ZNF469: variants seen among roughly 807,000 people sequenced by gnomAD.
ZNF469 encodes zinc finger protein 469.
Under a neutral mutation model 1.0 loss-of-function variants are expected in ZNF469, and 1 was observed. That is an observed-to-expected ratio of 1.00 (90% CI 0.35 to 4.73). The LOEUF (loss-of-function observed/expected upper bound fraction) is 4.73. Among genes scored for constraint, ZNF469 ranks in the 30% most tolerant of loss-of-function variants. The pLI is 0.16. For synonymous variants in ZNF469, 2,703 were observed against 2,363.4 expected, an observed-to-expected ratio of 1.14 and a Z score of -4.17; for missense variants, 6,100 against 5,356.3, an observed-to-expected ratio of 1.14 and a Z score of -4.33.
chr16:88,199,616 A>G, the ZNF469 span, among the ~76,000 whole-genome samples: 6 of 152,270 alleles, frequency 3.9e-5, no homozygotes, highest in Admixed American at 2.0e-4. Flanking sequence ...GCCGGCTCGG[A>G]CCACCCACAT....
the ZNF469 span, among the ~76,000 whole-genome samples, chr16:88,221,089 C>T: frequency 6.6e-6 from 1 of 152,146 alleles, no homozygotes; most frequent in Non-Finnish European, 1.5e-5. Flanking sequence ...TCTGCTGCTC[C>T]TACTCGGTGT....
At chr16:88,313,895 T>G in the ZNF469 span, among the ~76,000 whole-genome samples, 57 of 123,268 alleles carry the variant, frequency 4.6e-4, no homozygotes, top group East Asian at 7.4e-4. Context: ...TGATGATGCT[T>G]GTGTGGACTG....
chr16:88,426,876 C>T (rs563387810), intron 2 of ZNF469, among the ~76,000 whole-genome samples: 1 of 152,238 alleles, frequency 6.6e-6, no homozygotes, highest in Non-Finnish European at 1.5e-5. Flanking sequence ...CAGCCTCCTG[C>T]CTCAAGGCCC....
At chr16:88,378,316 A>G (rs1053341767), upstream of ZNF469, among the ~76,000 whole-genome samples, 3 of 152,218 alleles carry the variant, frequency 2.0e-5, no homozygotes, top group African/African-American at 7.2e-5. Flanking sequence ...TTGAGGGTCT[A>G]CTCAGCAAAG....
chr16:88,236,414 G>A, the ZNF469 span, among the ~76,000 whole-genome samples: 3 of 152,262 alleles, frequency 2.0e-5, no homozygotes, highest in Non-Finnish European at 1.5e-5. Context: ...GTTTTAATGT[G>A]AGTGCTGGTC....
chr16:88,309,355 C>G, the ZNF469 span, among the ~76,000 whole-genome samples: 253 of 151,912 alleles, frequency 1.7e-3, 1 homozygote, highest in African/African-American at 6.1e-3. Flanking sequence ...GGACACCTGA[C>G]GGGGGGAGTG....
At position 88,430,891 on chromosome 16, in the gene ZNF469, G is replaced by A. The variant is rs547419772; in HGVS notation, c.3421G>A (p.Ala1141Thr). The stretch of plus-strand genomic sequence containing the variant: ...GGATGAGCCACAGAAACCCCGGAAG[G>A]CGGCGAGGCAGGAAGCCGGCGGGGA... ...REDEPQKPRK[A>T]ARQEAGGDGA... is the part of the protein sequence containing the mutation. The change falls in exon 3 of 3, where the codon GCG becomes ACG. Residue 1141 changes from alanine (A) to threonine (T), a missense_variant. Physicochemically the swap from Ala to Thr is moderately conservative, Grantham distance 58 (BLOSUM62 0). Transcript: ENST00000565624. The A allele has an allele frequency of 6.5e-7, 1 of 1,537,654 alleles. No individual in the cohort carries two copies. Among genetic ancestry groups the A allele is most frequent in the Admixed American group, 2.0e-5 (1 of 50,900 alleles).
In ZNF469 at chr16:88,438,924, A is replaced by G. The variant is rs377311926; in HGVS notation, c.11454A>G (p.Lys3818=). The part of the protein sequence containing the change: ...KEKGESSTKR[K]KGQVPGPARS... ...AGGGAGAGAGCAGTACGAAGAGGAA[A>G]AAGGGCCAGGTCCCAGGGCCAGCCA... is the stretch of plus-strand genomic sequence containing the variant. Residue 3818 remains lysine (K), a synonymous_variant, in exon 3 of 3, where the codon AAA becomes AAG. Coordinates refer to ENST00000565624, the MANE Select transcript of ZNF469 (RefSeq NM_001367624.2). 197 of 1,550,446 alleles carry G rather than the reference A, an allele frequency of 1.3e-4. No individual in the cohort carries two copies. Among genetic ancestry groups the G allele is most frequent in the Non-Finnish European group, 1.6e-4 (188 of 1,146,990 alleles).
chr16:88,335,690 A>G, the ZNF469 span, among the ~76,000 whole-genome samples: 1 of 152,246 alleles, frequency 6.6e-6, no homozygotes, highest in Non-Finnish European at 1.5e-5. Flanking sequence ...CTCGATAAGC[A>G]TCGAATCAAT....
the ZNF469 span, among the ~76,000 whole-genome samples, chr16:88,258,304 G>A: frequency 6.6e-6 from 1 of 152,304 alleles, no homozygotes; most frequent in African/African-American, 2.4e-5. Flanking sequence ...ACAGAGGAAG[G>A]GATTTCAAGA....
At chr16:88,207,655 G>A in the ZNF469 span, among the ~76,000 whole-genome samples, 1 of 151,062 alleles carries the variant, frequency 6.6e-6, no homozygotes, top group Non-Finnish European at 1.5e-5. Context: ...TGTCGACGGG[G>A]CCGCCCTGCA....
chr16:88,122,445 C>T, the ZNF469 span, among the ~76,000 whole-genome samples: 7 of 150,730 alleles, frequency 4.6e-5, no homozygotes, highest in South Asian at 2.1e-4. Flanking sequence ...CTCCGTCACT[C>T]GCTACGGCCA....
the ZNF469 span, among the ~76,000 whole-genome samples, chr16:88,161,492 A>G: frequency 1.3e-5 from 2 of 152,352 alleles, no homozygotes; most frequent in East Asian, 3.9e-4. Flanking sequence ...TGAAAACACG[A>G]AACAAACTTC....
chr16:88,118,509 T>C, the ZNF469 span, among the ~76,000 whole-genome samples: 1 of 152,192 alleles, frequency 6.6e-6, no homozygotes, highest in African/African-American at 2.4e-5. Flanking sequence ...GCTGACTCTC[T>C]GCTTTCTGTG....
chr16:88,195,130 A>T, the ZNF469 span: 3 of 152,192 alleles, frequency 2.0e-5, no homozygotes, highest in African/African-American at 7.2e-5. Flanking sequence ...CTCTGGTCGC[A>T]AGCCGCCTGT....
the ZNF469 span, among the ~76,000 whole-genome samples, chr16:88,107,813 G>GCA: frequency 6.6e-6 from 1 of 152,240 alleles, no homozygotes; most frequent in Non-Finnish European, 1.5e-5. Flanking sequence ...CCTCAGGAGA[G>GCA]CACAGCACTG....
chr16:88,276,215 G>C, the ZNF469 span, among the ~76,000 whole-genome samples: 9 of 152,190 alleles, frequency 5.9e-5, no homozygotes, highest in Admixed American at 5.9e-4. Flanking sequence ...TGGATGGGCA[G>C]GTCCTGGGAT....
chr16:88,112,998 T>C, the ZNF469 span, among the ~76,000 whole-genome samples: 1 of 152,092 alleles, frequency 6.6e-6, no homozygotes, highest in Non-Finnish European at 1.5e-5. Flanking sequence ...CAGGATGGTC[T>C]CGATCTCCTG....
At chr16:88,141,491 T>C in the ZNF469 span, among the ~76,000 whole-genome samples, 30,597 of 47,706 alleles carry the variant, frequency 0.64, 10,174 homozygotes, top group Non-Finnish European at 0.7. Flanking sequence ...GGGAAAGAGG[T>C]CCTGGGAGGC....
Sources: allele counts gnomAD v4.1 joint callset (sites outside exome capture counted in the v4.1 genomes callset), GRCh38; gene constraint gnomAD v4.1.1; transcripts MANE v1.5; gene names NCBI Gene and HGNC (gene_info 2026-07-23, HGNC 2026-07-21).